Variants in NUMB observed in about 807,000 individuals in gnomAD.
NUMB encodes the protein protein numb homolog.
A neutral mutation model predicts 59.7 loss-of-function variants in NUMB; 29 were observed. That is an observed-to-expected ratio of 0.49 (90% CI 0.36 to 0.66). NUMB has a LOEUF of 0.66. Among genes scored for constraint, NUMB ranks in the 30% least tolerant of loss-of-function variants. The pLI is 0.00. For synonymous variants in NUMB, 288 were observed against 288.2 expected (o/e 1.00, Z 0.01); for missense variants, 723 against 822.0 (o/e 0.88, Z 1.47).
chr14:73,323,545 A>G (rs929765652), intron 4 of NUMB, among the ~76,000 whole-genome samples: 1 of 152,252 alleles, frequency 6.6e-6, no homozygotes, highest in African/African-American at 2.4e-5. Context: ...ACATTACCTG[A>G]ATCTACTGGA....
chr14:73,319,200 T>G (rs1332661393), intron 5 of NUMB, among the ~76,000 whole-genome samples: 3 of 151,994 alleles, frequency 2.0e-5, no homozygotes, highest in African/African-American at 7.3e-5. Flanking sequence ...GAGGCGGAGG[T>G]TGCAGCGACC....
intron 5 of NUMB, among the ~76,000 whole-genome samples, chr14:73,320,458 C>T (rs1891344252): frequency 6.6e-6 from 1 of 152,122 alleles, no homozygotes; most frequent in Non-Finnish European, 1.5e-5. Flanking sequence ...GTCTTGAACT[C>T]CTGGCTTTAA....
intron 1 of NUMB, among the ~76,000 whole-genome samples, chr14:73,414,935 T>C (rs1043753099): frequency 3.3e-5 from 5 of 152,126 alleles, no homozygotes; most frequent in Non-Finnish European, 7.4e-5. Context: ...TTAGACAGGA[T>C]GGTCTCGATC....
At chr14:73,394,794 T>G (rs1455452199) in intron 2 of NUMB, among the ~76,000 whole-genome samples, 3 of 152,226 alleles carry the variant, frequency 2.0e-5, no homozygotes, top group Non-Finnish European at 4.4e-5. Context: ...TGTCTGTCTT[T>G]TCTTTTTTTT....
intron 1 of NUMB, among the ~76,000 whole-genome samples, chr14:73,446,529 C>T (rs1245762487): frequency 1.3e-5 from 2 of 150,656 alleles, no homozygotes; most frequent in East Asian, 2.0e-4. Flanking sequence ...CACTTGAACT[C>T]GGGAGGCAGA....
chr14:73,364,858 A>T (rs1180660832), intron 3 of NUMB, among the ~76,000 whole-genome samples: 1 of 152,092 alleles, frequency 6.6e-6, no homozygotes, highest in Admixed American at 6.6e-5. Context: ...GGCTGATCTC[A>T]AACTCCTGGG....
intron 4 of NUMB, among the ~76,000 whole-genome samples, chr14:73,353,920 A>T (rs192055780): frequency 1.3e-5 from 2 of 152,256 alleles, no homozygotes; most frequent in Admixed American, 1.3e-4. Context: ...GATTTTTCTC[A>T]TGATTTAATG....
At chr14:73,316,076 A>AT (rs1486143482) in intron 6 of NUMB, among the ~76,000 whole-genome samples, 2 of 152,062 alleles carry the variant, frequency 1.3e-5, no homozygotes, top group Non-Finnish European at 2.9e-5. Flanking sequence ...GGGTTTTACC[A>AT]TGTTGGCCAG....
intron 3 of NUMB, among the ~76,000 whole-genome samples, chr14:73,356,671 A>G (rs566571192): frequency 1.6e-3 from 247 of 152,290 alleles, no homozygotes; most frequent in Non-Finnish European, 2.9e-3. Flanking sequence ...AAGAAAAAAA[A>G]TGTGCTACTA....
At chr14:73,313,162 G>A (rs1337558992) in intron 6 of NUMB, among the ~76,000 whole-genome samples, 3 of 151,696 alleles carry the variant, frequency 2.0e-5, no homozygotes, top group African/African-American at 7.3e-5. Context: ...AATTTTTTTT[G>A]TATTTTCAGT....
In NUMB at chr14:73,275,771, C is replaced by CTACTT. The variant is rs1888110817; in HGVS notation, c.*802_*806dup. 6.6e-6 allele frequency: 1 copy of CTACTT among 152,528 alleles called. No homozygotes were observed. Among genetic ancestry groups the CTACTT allele is most frequent in the Admixed American group, 6.5e-5 (1 of 15,270 alleles). 9.4% of individuals were successfully genotyped at this position (152,528 alleles called of 1,614,324 possible). A position where few individuals can be genotyped will look rare whatever the true frequency, so the allele number is the denominator to read the frequency against. ...TAAGCATGATTGTTGTTGCAATGTG[C>CTACTT]TACTTACAATGAATGACTGACAGAA... On this transcript the variant is annotated 3_prime_UTR_variant, in exon 13 of 13. Transcript: ENST00000555238.
At chr14:73,395,795 GTTTTT>G (rs566604663) in intron 2 of NUMB, among the ~76,000 whole-genome samples, 40 of 152,250 alleles carry the variant, frequency 2.6e-4, no homozygotes, top group African/African-American at 9.4e-4. Context: ...GCAATGCATA[GTTTTT>G]CCTGTGTCTC....
At chr14:73,361,584 G>A (rs8017087) in intron 3 of NUMB, among the ~76,000 whole-genome samples, 38,568 of 151,838 alleles carry the variant, frequency 0.25, 5,702 homozygotes, top group East Asian at 0.67. Context: ...GTACCCAGTA[G>A]TTATCTTTTC....
intron 1 of NUMB, among the ~76,000 whole-genome samples, chr14:73,428,882 T>C (rs528249231): frequency 6.6e-6 from 1 of 152,144 alleles, no homozygotes; most frequent in Non-Finnish European, 1.5e-5. Flanking sequence ...AATATGGTAA[T>C]ATATGCTAGA....
At chr14:73,420,399 GA>G (rs1258482489) in intron 1 of NUMB, among the ~76,000 whole-genome samples, 1 of 152,116 alleles carries the variant, frequency 6.6e-6, no homozygotes, top group Non-Finnish European at 1.5e-5. Flanking sequence ...AAACACACTG[GA>G]AAAGATAAGT....
chr14:73,446,604 CA>C (rs1281721972), intron 1 of NUMB, among the ~76,000 whole-genome samples: 9,002 of 97,522 alleles, frequency 0.092, 623 homozygotes, highest in African/African-American at 0.24. Flanking sequence ...GACTTTGTCT[CA>C]AAAAAAAAAA....
intron 2 of NUMB, among the ~76,000 whole-genome samples, chr14:73,369,532 C>G (rs2140052039): frequency 6.6e-6 from 1 of 152,214 alleles, no homozygotes; most frequent in South Asian, 2.1e-4. Context: ...CAAAAATTAA[C>G]TCTAAGAATT....
intron 2 of NUMB, among the ~76,000 whole-genome samples, chr14:73,368,392 A>G (rs1236449079): frequency 6.6e-6 from 1 of 152,142 alleles, no homozygotes; most frequent in East Asian, 1.9e-4. Context: ...AGCCTGGCCA[A>G]CACAGCGAAA....
rs374188004 is a variant in NUMB, at chr14:73,380,111, C to T, written c.-100-13130G>A. ...GAGATGGTCCACTTCCTGTTTGCGC[C>T]CCCAGCTCCAGGAGAAACCGCATCT... On this transcript the variant is annotated intron_variant, in intron 2 of 12. Coordinates refer to ENST00000555238, the MANE Select transcript of NUMB (RefSeq NM_001005743.2). Among the ~76,000 whole-genome samples the T allele has an allele frequency of 2.4e-4, 37 of 152,216 alleles. 1 individual carries two copies. Among genetic ancestry groups the T allele is most frequent in the African/African-American group, 8.9e-4 (37 of 41,536 alleles).
Sources: gnomAD v4.1 joint callset for allele counts (sites outside exome capture counted in the v4.1 genomes callset) on GRCh38, gnomAD v4.1.1 for gene constraint, MANE v1.5 for transcripts, NCBI Gene and HGNC (gene_info 2026-07-23, HGNC 2026-07-21) for gene names.